SLITRK3: variants seen among roughly 807,000 people sequenced by gnomAD.
The protein encoded by SLITRK3 is SLIT and NTRK like family member 3.
A neutral mutation model predicts 63.6 loss-of-function variants in SLITRK3; 16 were observed. That is an observed-to-expected ratio of 0.25 (90% CI 0.17 to 0.38). The LOEUF is 0.38. Among genes scored for constraint, SLITRK3 ranks in the 10% least tolerant of loss-of-function variants. SLITRK3 has a pLI of 1.00. For missense variants in SLITRK3, 1,117 were observed against 1,181.4 expected, an observed-to-expected ratio of 0.95 and a Z score of 0.80; for synonymous variants, 547 against 451.6, an observed-to-expected ratio of 1.21 and a Z score of -2.68.
intron 1 of SLITRK3, among the ~76,000 whole-genome samples, chr3:165,191,080 A>G (rs1003327834): frequency 6.6e-6 from 1 of 152,216 alleles, no homozygotes; most frequent in African/African-American, 2.4e-5. Flanking sequence ...GAACCAAGCC[A>G]TACTTGGTAA....
intron 1 of SLITRK3, among the ~76,000 whole-genome samples, chr3:165,193,309 C>T (rs966972655): frequency 1.5e-5 from 1 of 65,234 alleles, no homozygotes; most frequent in African/African-American, 5.8e-5. Context: ...TTCTTTCTTT[C>T]TTTTTTTTTA....
rs762600871 is a variant in SLITRK3 at position 165,190,288 on chromosome 3, A to G, written c.543T>C (p.Asn181=). The part of the protein sequence containing the change: ...NLSKLRVLIL[N]DNLIPMLPTN... ...TTGGAAGCATGGGGATGAGATTATC[A>G]TTTAAAATCAGAACCCTCAATTTAC... The change falls in exon 2 of 2, where the codon AAT becomes AAC. Residue 181 remains asparagine (N), a synonymous_variant. Coordinates refer to ENST00000475390, the MANE Select transcript of SLITRK3 (RefSeq NM_001318810.2). 6.2e-7 allele frequency: 1 copy of G among 1,614,222 alleles called. No homozygotes were observed. The highest frequency in any genetic ancestry group is 1.1e-5 in the South Asian group (1 of 91,084).
Position 165,189,099 on chromosome 3 carries a change from C to G in SLITRK3, c.1732G>C (p.Glu578Gln), listed in dbSNP as rs998593651. Reference sequence around the variant, plus strand: ...ACCACACTGACTGAGCTGATGGTTTCGATCCACTGTTTAAAGGGGACCAGG... The same window carrying G: ...ACCACACTGACTGAGCTGATGGTTTGGATCCACTGTTTAAAGGGGACCAGG... ...CDLVPFKQWI[E>Q]TISSVSVVGD... The change falls in exon 2 of 2, where the codon GAA becomes CAA. Residue 578 changes from glutamate (E) to glutamine (Q), a missense_variant. By Grantham distance (29) the Glu-to-Gln change is conservative. This residue lies in a region of SLITRK3 where 158 missense variants were observed against 197.2 expected (regional missense o/e 0.80). Coordinates refer to ENST00000475390, the MANE Select transcript of SLITRK3 (RefSeq NM_001318810.2). The surrounding 1 kb of genome is among the most constrained non-coding windows in gnomAD (Gnocchi z 4.0). 14 of 1,614,042 alleles carry G rather than the reference C, an allele frequency of 8.7e-6. No individual in the cohort carries two copies. Among genetic ancestry groups the G allele is most frequent in the Non-Finnish European group, 1.1e-5 (13 of 1,180,032 alleles).
At chr3:165,192,876 C>A (rs1449773337) in intron 1 of SLITRK3, among the ~76,000 whole-genome samples, 1 of 152,006 alleles carries the variant, frequency 6.6e-6, no homozygotes, top group Non-Finnish European at 1.5e-5. Context: ...TCTTTGGGTA[C>A]CCACAGCACA....
chr3:165,196,897 G>GTCTCTCTCTGTCTCTCTCTCTCTCTC (rs1718450783), upstream of SLITRK3: 198 of 96,512 alleles, frequency 2.1e-3, 1 homozygote, highest in African/African-American at 6.9e-3. Context: ...CTCTCTCTCT[G>GTCTCTCTCTGTCTCTCTCTCTCTCTC]TCTCTCTCTC....
chr3:165,195,484 A>C (rs1367135499), intron 1 of SLITRK3, 96 bp downstream of exon 1: 1 of 152,218 alleles, frequency 6.6e-6, no homozygotes. Flanking sequence ...TACAGAATAC[A>C]CCGCGGCCAA....
chr3:165,193,239 A>C (rs1718302726), intron 1 of SLITRK3, among the ~76,000 whole-genome samples: 1 of 135,244 alleles, frequency 7.4e-6, no homozygotes, highest in Non-Finnish European at 1.6e-5. Context: ...TTCTTTGGTG[A>C]GGAAGGTGGA....
rs939122507 is a variant in SLITRK3 at position 165,194,618 on chromosome 3, TC to T, written c.-22+961del. ...TCCCCAGCTGCCGGCACCCGCACCC[TC>T]CCCCCCATCCCCCGCCCAGCACTTT... On this transcript the variant is annotated intron_variant, in intron 1 of 1. Transcript: ENST00000475390. Among the ~76,000 whole-genome samples the T allele has an allele frequency of 4.2e-5, 6 of 143,394 alleles. No individual in the cohort carries two copies. The East Asian group carries it at 7.2e-4, about 17-fold the overall frequency. The allele number at this position is 143,394 out of a possible 152,430, so 94.1% of individuals were successfully genotyped here.
Position 165,189,411 on chromosome 3 carries a change from C to G in SLITRK3, c.1420G>C (p.Gly474Arg), listed in dbSNP as rs1331021235. 4 of 1,613,342 alleles carry G rather than the reference C, an allele frequency of 2.5e-6. No homozygotes were observed. The highest frequency in any genetic ancestry group is 3.4e-6 in the Non-Finnish European group (4 of 1,180,042). The change falls in exon 2 of 2, where the codon GGC becomes CGC. Residue 474 changes from glycine (G) to arginine (R), a missense_variant. By Grantham distance (125) the Gly-to-Arg change is moderately radical. Around this residue, in one of 4 missense-constraint regions of SLITRK3, gnomAD observed 158 missense variants for 197.2 expected, o/e 0.80. Coordinates refer to ENST00000475390, the MANE Select transcript of SLITRK3 (RefSeq NM_001318810.2). The surrounding 1 kb of genome is among the most constrained non-coding windows in gnomAD (Gnocchi z 4.0). ...NGNDIEKLTP[G>R]MFRGLQSLHY... ...AAACTCTGTAGGCCTCGGAACATGC[C>G]TGGTGTCAGCTTCTCTATATCGTTG...
intron 1 of SLITRK3, among the ~76,000 whole-genome samples, chr3:165,193,652 C>T (rs1218761486): frequency 6.6e-6 from 1 of 152,040 alleles, no homozygotes; most frequent in Non-Finnish European, 1.5e-5. Context: ...CTGGATTCAA[C>T]AGCATTTCTT....
In SLITRK3 at chr3:165,186,973, T is replaced by C. The variant is rs959382749; in HGVS notation, c.*924A>G. 8 of 152,256 alleles carry C rather than the reference T, an allele frequency of 5.3e-5. No homozygotes were observed. The highest frequency in any genetic ancestry group is 8.8e-5 in the Non-Finnish European group (6 of 67,992). The allele number at this position is 152,256 out of a possible 1,614,324, so 9.4% of individuals were successfully genotyped here. On this transcript the variant is annotated 3_prime_UTR_variant, in exon 2 of 2. Transcript: ENST00000475390. ...GAAAGTGCAGATGTTCTCCAAAAAA[T>C]CTTGGCATCAGGATGAAGTGTCACA...
At chr3:165,194,950 C>A (rs1344620946) in intron 1 of SLITRK3, among the ~76,000 whole-genome samples, 1 of 152,144 alleles carries the variant, frequency 6.6e-6, no homozygotes, top group Non-Finnish European at 1.5e-5. Flanking sequence ...CCGTGTCCTG[C>A]TGGGAGCGCC....
At chr3:165,196,979 T>G (rs1435076831), upstream of SLITRK3, 2 of 151,972 alleles carry the variant, frequency 1.3e-5, no homozygotes, top group East Asian at 2.0e-4. Context: ...GCTCTCGCTC[T>G]CTCTCTCTCG....
At position 165,189,655 on chromosome 3, in the gene SLITRK3, G is replaced by A; in HGVS notation, c.1176C>T (p.Cys392=). The A allele has an allele frequency of 6.2e-7, 1 of 1,614,160 alleles. No individual in the cohort carries two copies. Among genetic ancestry groups the A allele is most frequent in the Non-Finnish European group, 8.5e-7 (1 of 1,180,024 alleles). ...AAATGTTATTAAATCCTCGCTCTTT[G>A]CAGTTGACAGTCAAGCCAAGGTCAT... ...HINDLGLTVN[C]KERGFNNISE... The change falls in exon 2 of 2, where the codon TGC becomes TGT. Residue 392 remains cysteine (C), a synonymous_variant. Coordinates refer to ENST00000475390, the MANE Select transcript of SLITRK3 (RefSeq NM_001318810.2). The surrounding 1 kb of genome is among the most constrained non-coding windows in gnomAD (Gnocchi z 4.0).
rs374935767 is a variant in SLITRK3, at chr3:165,188,449, A to T, written c.2382T>A (p.Ser794Arg). The T allele has an allele frequency of 3.0e-5, 49 of 1,613,104 alleles. No individual in the cohort carries two copies. Among genetic ancestry groups the T allele is most frequent in the Non-Finnish European group, 4.1e-5 (48 of 1,179,750 alleles). ...PPGMGEALLG[S>R]EQFAETPKEN... ...CCTTGGGTGTCTCAGCAAACTGCTC[A>T]CTTCCTAGGAGAGCCTCACCCATTC... Residue 794 changes from serine (S) to arginine (R), a missense_variant, in exon 2 of 2, where the codon AGT (serine) becomes AGA (arginine). Transcript: ENST00000475390.
chr3:165,195,195 TGTC>T (rs1718374694), intron 1 of SLITRK3, among the ~76,000 whole-genome samples: 1 of 152,230 alleles, frequency 6.6e-6, no homozygotes, highest in African/African-American at 2.4e-5. Flanking sequence ...TCTAATCTGC[TGTC>T]GTCAGGCGAA....
chr3:165,189,620 A>C lies in SLITRK3; in HGVS notation c.1211T>G (p.Leu404Arg). Reference protein sequence around the residue: ...ERGFNNISELLPRPLNAKKLY... With the variant: ...ERGFNNISELRPRPLNAKKLY... ...TTTCTTGGCATTCAAGGGCCTTGGA[A>C]GAAGTTCAGAAATGTTATTAAATCC... Residue 404 changes from leucine (L) to arginine (R), a missense_variant, in exon 2 of 2, where the codon CTT (leucine) becomes CGT (arginine). Leu to Arg is a moderately radical substitution (Grantham distance 102, BLOSUM62 -2). Transcript: ENST00000475390. The surrounding 1 kb of genome is among the most constrained non-coding windows in gnomAD (Gnocchi z 4.0). The C allele has an allele frequency of 1.2e-6, 2 of 1,614,212 alleles. No homozygotes were observed. The highest frequency in any genetic ancestry group is 1.7e-6 in the Non-Finnish European group (2 of 1,180,050).
At position 165,188,339 on chromosome 3, in the gene SLITRK3, A is replaced by G; in HGVS notation, c.2492T>C (p.Val831Ala). The change falls in exon 2 of 2, where the codon GTG (valine) becomes GCG (alanine). Residue 831 changes from valine (V) to alanine (A), a missense_variant. Val to Ala is a moderately conservative substitution (Grantham distance 64). This residue lies in a region of SLITRK3 where 499 missense variants were observed against 463.6 expected (regional missense o/e 1.08). Coordinates refer to ENST00000475390, the MANE Select transcript of SLITRK3 (RefSeq NM_001318810.2). ...GTGAGGGTGATGGTGATTCACCGTCACTATGGTGTTAAGCTGGGAGCTGGA... is the reference window on the plus strand; with the variant it reads ...GTGAGGGTGATGGTGATTCACCGTCGCTATGGTGTTAAGCTGGGAGCTGGA... ...AVSSSQLNTI[V>A]TVNHHHPHHP... 6.2e-7 allele frequency: 1 copy of G among 1,613,958 alleles called. No individual in the cohort carries two copies. The highest frequency in any genetic ancestry group is 1.1e-5 in the South Asian group (1 of 91,056).
chr3:165,187,976 T>C lies in SLITRK3; in HGVS notation c.2855A>G (p.Asp952Gly). 6.2e-7 allele frequency: 1 copy of C among 1,614,044 alleles called. No homozygotes were observed. The highest frequency in any genetic ancestry group is 8.5e-7 in the Non-Finnish European group (1 of 1,180,004). The stretch of plus-strand genomic sequence containing the variant: ...AAGTTTGGCCCTTAACTCGAGGTAA[T>C]CACTTTTTTGGGTTTGGTGGTCTGT... ...GFTDHQTQKS[D>G]YLELRAKLQT... Residue 952 changes from aspartate to glycine, a missense_variant, in exon 2 of 2, where the codon GAT (aspartate) becomes GGT (glycine). Physicochemically the swap from Asp to Gly is moderately conservative, Grantham distance 94. Around this residue, in one of 4 missense-constraint regions of SLITRK3, gnomAD observed 499 missense variants for 463.6 expected, o/e 1.08. Coordinates refer to ENST00000475390, the MANE Select transcript of SLITRK3 (RefSeq NM_001318810.2).
Sources: gnomAD v4.1 joint callset for allele counts (sites outside exome capture counted in the v4.1 genomes callset) on GRCh38, gnomAD v4.1.1 for gene constraint, gnomAD v4.1.1 regional missense constraint, Gnocchi (gnomAD v3.1) non-coding constraint, MANE v1.5 for transcripts, NCBI Gene and HGNC (gene_info 2026-07-23, HGNC 2026-07-21) for gene names.